EML6: variants seen among roughly 807,000 people sequenced by gnomAD.
EML6 encodes the protein EMAP like 6.
EML6 carries 154 observed loss-of-function variants against 240.1 expected under a neutral mutation model. The observed-to-expected ratio is 0.64, with a 90% CI of 0.56 to 0.73. The LOEUF (loss-of-function observed/expected upper bound fraction) is 0.73. Among genes scored for constraint, EML6 ranks in the 30% least tolerant of loss-of-function variants. EML6 has a pLI of 0.00. For missense variants in EML6, 2,964 were observed against 2,474.6 expected (o/e 1.20, Z -4.20); for synonymous variants, 1,148 against 899.0 (o/e 1.28, Z -4.95).
chr2:54,953,287 C>T (rs1333817101), intron 31 of EML6, among the ~76,000 whole-genome samples: 1 of 152,128 alleles, frequency 6.6e-6, no homozygotes, highest in African/African-American at 2.4e-5. Context: ...CATTGCTCAC[C>T]CAATGCAGGT....
intron 2 of EML6, among the ~76,000 whole-genome samples, chr2:54,756,215 T>G (rs1040609047): frequency 1.3e-5 from 2 of 152,192 alleles, no homozygotes; most frequent in African/African-American, 2.4e-5. Context: ...GGGCTTACTT[T>G]AATGTTCAGG....
chr2:54,728,557 A>G (rs531043167), intron 2 of EML6, among the ~76,000 whole-genome samples: 1 of 152,324 alleles, frequency 6.6e-6, no homozygotes, highest in East Asian at 1.9e-4. Context: ...TACCGGGGGT[A>G]TCTGGGTGAG....
chr2:54,753,008 C>T (rs1197777305), intron 2 of EML6, among the ~76,000 whole-genome samples: 17 of 152,282 alleles, frequency 1.1e-4, no homozygotes, highest in South Asian at 2.1e-4. Flanking sequence ...AGGCTGGTCT[C>T]GAACTCCGTG....
In EML6 at chr2:54,853,630, T is replaced by C; in HGVS notation, c.1445-13T>C. ...TTTTATTTAAATGTAATGTTAATAT[T>C]GATTATTTTCAGCTGGGAAGCCTTT... is the stretch of plus-strand genomic sequence containing the variant. On this transcript the variant is annotated splice_polypyrimidine_tract_variant and intron_variant, in intron 10 of 41. Coordinates refer to ENST00000356458, the MANE Select transcript of EML6 (RefSeq NM_001039753.4). 2 of 1,468,588 alleles carry C rather than the reference T, an allele frequency of 1.4e-6. No individual in the cohort carries two copies. Among genetic ancestry groups the C allele is most frequent in the Non-Finnish European group, 1.8e-6 (2 of 1,086,372 alleles). 91.0% of individuals were successfully genotyped at this position (1,468,588 alleles called of 1,614,324 possible).
At chr2:54,951,450 G>GT (rs1172176191) in intron 30 of EML6, among the ~76,000 whole-genome samples, 15 of 151,854 alleles carry the variant, frequency 9.9e-5, no homozygotes, top group Non-Finnish European at 1.5e-4. Flanking sequence ...GGAGAACCCA[G>GT]TTTGAGGTTG....
chr2:54,893,884 A>T (rs539840982), intron 19 of EML6, among the ~76,000 whole-genome samples: 1 of 152,266 alleles, frequency 6.6e-6, no homozygotes, highest in East Asian at 1.9e-4. Context: ...GTTTTTGGTT[A>T]AACTGCAAGT....
intron 12 of EML6, among the ~76,000 whole-genome samples, chr2:54,862,087 G>C (rs562704848): frequency 4.6e-5 from 7 of 152,130 alleles, no homozygotes; most frequent in Admixed American, 1.3e-4. Context: ...TGTAATCCCA[G>C]CACTTTGGGA....
chr2:54,794,618 T>C (rs769990035), intron 2 of EML6, among the ~76,000 whole-genome samples: 8 of 152,160 alleles, frequency 5.3e-5, no homozygotes, highest in South Asian at 4.1e-4. Context: ...GGAAAACTTA[T>C]CTTACCAATG....
Position 54,964,960 on chromosome 2 carries a change from A to G in EML6, c.5493+227A>G, listed in dbSNP as rs543925559. The stretch of plus-strand genomic sequence containing the variant: ...AATTTAAAATAATAAAGAGTAAGAA[A>G]AACAGGAAACACAAGCCCTAATCAT... On this transcript the variant is annotated intron_variant, in intron 38 of 41. Coordinates refer to ENST00000356458, the MANE Select transcript of EML6 (RefSeq NM_001039753.4). Among the ~76,000 whole-genome samples the G allele has an allele frequency of 1.6e-4, 25 of 152,362 alleles. No individual in the cohort carries two copies. In the East Asian group the frequency reaches 4.8e-3, roughly 29 times the overall value.
chr2:54,845,132 A>G (rs1669679759), intron 8 of EML6, among the ~76,000 whole-genome samples: 1 of 152,240 alleles, frequency 6.6e-6, no homozygotes, highest in Non-Finnish European at 1.5e-5. Flanking sequence ...TATGAGTCGC[A>G]TCAAAATACA....
rs878998406 is a variant in EML6 at position 54,850,325 on chromosome 2, T to C, written c.1444+107T>C. On this transcript the variant is annotated intron_variant, in intron 10 of 41. Coordinates refer to ENST00000356458, the MANE Select transcript of EML6 (RefSeq NM_001039753.4). The stretch of plus-strand genomic sequence containing the variant: ...CTCTTTTAGAATTTGTACAGCAGGT[T>C]TTCTGGTTTTTGCCGGAAAGCACCC... 2.1e-5 allele frequency: 23 copies of C among 1,089,898 alleles called. No individual in the cohort carries two copies. In the South Asian group the frequency reaches 4.0e-4, roughly 19 times the overall value. 67.5% of individuals were successfully genotyped at this position (1,089,898 alleles called of 1,614,324 possible).
intron 4 of EML6, 96 bp downstream of exon 4, chr2:54,816,981 T>G: frequency 1.3e-6 from 1 of 744,496 alleles, no homozygotes; most frequent in South Asian, 1.6e-5. Flanking sequence ...CAGTAAATAT[T>G]TCAGTATACA....
intron 26 of EML6, among the ~76,000 whole-genome samples, chr2:54,927,302 G>A (rs74889104): frequency 6.6e-6 from 1 of 152,150 alleles, no homozygotes. Context: ...GAACCCTCCT[G>A]CACCTGTTTC....
intron 2 of EML6, among the ~76,000 whole-genome samples, chr2:54,802,522 G>C (rs1172582192): frequency 2.6e-5 from 4 of 151,928 alleles, no homozygotes; most frequent in African/African-American, 9.7e-5. Context: ...AGCTACTCGA[G>C]AGGCTGAGAT....
chr2:54,862,270 G>A (rs1456702375), intron 12 of EML6, among the ~76,000 whole-genome samples: 1 of 143,882 alleles, frequency 7.0e-6, no homozygotes, highest in Non-Finnish European at 1.5e-5. Context: ...ACCGGGAGGT[G>A]AAGGTTGCAG....
chr2:54,951,112 G>A (rs187467606), intron 30 of EML6, among the ~76,000 whole-genome samples: 1 of 152,322 alleles, frequency 6.6e-6, no homozygotes, highest in Non-Finnish European at 1.5e-5. Context: ...CCATAACCAT[G>A]AAGAAATCAC....
At position 54,964,729 on chromosome 2, in the gene EML6, T is replaced by C; in HGVS notation, c.5489T>C (p.Ile1830Thr). 1 of 1,551,834 alleles carries C rather than the reference T, an allele frequency of 6.4e-7. No individual in the cohort carries two copies. The highest frequency in any genetic ancestry group is 8.7e-7 in the Non-Finnish European group (1 of 1,147,016). ...GATTTTTCTGCGGATGGCAAATACA[T>C]TCAGGTATGCTTGGGGTTTACTTAT... ...QMDFSADGKY[I>T]QVSTGAYKRQ... Residue 1830 changes from isoleucine (I) to threonine (T), a missense_variant, in exon 38 of 42, where the codon ATT (isoleucine) becomes ACT (threonine). Ile to Thr is a moderately conservative substitution (Grantham distance 89). Coordinates refer to ENST00000356458, the MANE Select transcript of EML6 (RefSeq NM_001039753.4).
At chr2:54,780,201 C>T (rs192403218) in intron 2 of EML6, among the ~76,000 whole-genome samples, 4 of 152,240 alleles carry the variant, frequency 2.6e-5, no homozygotes, top group South Asian at 2.1e-4. Flanking sequence ...AATGAAATGC[C>T]TTTTTACCCA....
At chr2:54,924,186 G>T (rs910361588) in intron 26 of EML6, among the ~76,000 whole-genome samples, 1 of 152,122 alleles carries the variant, frequency 6.6e-6, no homozygotes, top group African/African-American at 2.4e-5. Context: ...TTAAGAAACT[G>T]CCAGACCTTT....
Sources: allele counts gnomAD v4.1 joint callset (sites outside exome capture counted in the v4.1 genomes callset), GRCh38; gene constraint gnomAD v4.1.1; transcripts MANE v1.5; gene names NCBI Gene and HGNC (gene_info 2026-07-23, HGNC 2026-07-21).